Variants in MAST4 observed in about 807,000 individuals in gnomAD.
MAST4 encodes the protein microtubule-associated serine/threonine-protein kinase 4.
Under a neutral mutation model 162.7 loss-of-function variants are expected in MAST4, and 89 were observed. The ratio of observed to expected loss-of-function variants is 0.55; its 90% CI spans 0.46 to 0.65. The LOEUF (loss-of-function observed/expected upper bound fraction) is 0.65. MAST4 is among the 30% of genes least tolerant of loss of function. The pLI is 0.00. For synonymous variants in MAST4, 1,479 were observed against 1,361.1 expected, an observed-to-expected ratio of 1.09 and a Z score of -1.91; for missense variants, 3,153 against 3,374.0, an observed-to-expected ratio of 0.93 and a Z score of 1.62.
In MAST4 at chr5:66,838,724, G is replaced by A. The variant is rs373847146; in HGVS notation, c.642+49930G>A. Among the ~76,000 whole-genome samples the A allele has an allele frequency of 3.9e-5, 6 of 152,302 alleles. No individual in the cohort carries two copies. The East Asian group carries it at 7.7e-4, about 20-fold the overall frequency. ...AACAGGTACTGATTAGGCAAGATGA[G>A]GATTCTAGGCGGAGGAAGCAACAGT... On this transcript the variant is annotated intron_variant, in intron 3 of 28. Transcript: ENST00000403625.
chr5:67,004,417 G>A (rs1448972164), intron 4 of MAST4, among the ~76,000 whole-genome samples: 5 of 152,208 alleles, frequency 3.3e-5, no homozygotes, highest in African/African-American at 1.2e-4. Flanking sequence ...GTGCTTTTAA[G>A]TTTCCGCTTT....
chr5:66,954,146 C>T (rs899726561), intron 4 of MAST4, among the ~76,000 whole-genome samples: 5 of 152,162 alleles, frequency 3.3e-5, no homozygotes, highest in Non-Finnish European at 5.9e-5. Flanking sequence ...CCCCCCACAA[C>T]CCACCCACCT....
intron 1 of MAST4, among the ~76,000 whole-genome samples, chr5:66,713,036 A>G (rs571668559): frequency 5.3e-5 from 8 of 152,312 alleles, no homozygotes; most frequent in East Asian, 1.9e-4. Context: ...ATCTCTCCAC[A>G]TATTCCCCCA....
At chr5:66,845,085 T>TTATATATATA (rs752796951) in intron 3 of MAST4, among the ~76,000 whole-genome samples, 77 of 57,928 alleles carry the variant, frequency 1.3e-3, no homozygotes, top group African/African-American at 4.6e-3. Context: ...TCACTAATCT[T>TTATATATATA]TATATATATA....
intron 1 of MAST4, among the ~76,000 whole-genome samples, chr5:66,633,559 T>C (rs1413930073): frequency 6.6e-6 from 1 of 152,204 alleles, no homozygotes; most frequent in Non-Finnish European, 1.5e-5. Context: ...TGTATGGCAA[T>C]ATCAGGGGTT....
Position 66,609,392 on chromosome 5 carries a change from C to CTTTTTT in MAST4, c.363+12386_363+12391dup, listed in dbSNP as rs373893029. On this transcript the variant is annotated intron_variant, in intron 1 of 28. Coordinates refer to ENST00000403625, the MANE Select transcript of MAST4 (RefSeq NM_001164664.2). ...AAACTTGTTTTGTACCAATGCACTA[C>CTTTTTT]TTTTTTTTTTTTTTTTTGAGACAGC... is the stretch of plus-strand genomic sequence containing the variant. 1.8e-3 allele frequency among the ~76,000 whole-genome samples: 227 copies of CTTTTTT among 128,596 alleles called. 1 individual carries two copies. Among genetic ancestry groups the CTTTTTT allele is most frequent in the African/African-American group, 5.5e-3 (182 of 33,166 alleles). The allele number at this position is 128,596 out of a possible 152,430, so 84.4% of individuals were successfully genotyped here.
intron 4 of MAST4, among the ~76,000 whole-genome samples, chr5:66,994,440 A>C (rs890970306): frequency 2.6e-5 from 4 of 152,116 alleles, no homozygotes; most frequent in Non-Finnish European, 5.9e-5. Flanking sequence ...TTCATTTCCT[A>C]AAAGCTACTT....
intron 4 of MAST4, among the ~76,000 whole-genome samples, chr5:66,964,459 G>A (rs1460511643): frequency 2.6e-5 from 4 of 151,682 alleles, no homozygotes; most frequent in Non-Finnish European, 5.9e-5. Flanking sequence ...GTATCTAATC[G>A]GAAGACACAC....
intron 4 of MAST4, among the ~76,000 whole-genome samples, chr5:67,020,263 A>G (rs1935218923): frequency 6.6e-6 from 1 of 152,230 alleles, no homozygotes; most frequent in African/African-American, 2.4e-5. Context: ...ATGGTGTACT[A>G]GCTGGTCATG....
At chr5:66,952,969 T>C (rs972655291) in intron 4 of MAST4, among the ~76,000 whole-genome samples, 3 of 152,212 alleles carry the variant, frequency 2.0e-5, no homozygotes, top group Non-Finnish European at 4.4e-5. Flanking sequence ...ACTCTATAGA[T>C]GTACCTTTCT....
At chr5:67,117,226 A>G (rs1338367572) in intron 12 of MAST4, among the ~76,000 whole-genome samples, 1 of 152,196 alleles carries the variant, frequency 6.6e-6, no homozygotes, top group Non-Finnish European at 1.5e-5. Context: ...CTCCAAGTCC[A>G]TAAATCTAAG....
chr5:67,149,379 C>T lies in MAST4; in HGVS notation c.3095-10C>T. The T allele has an allele frequency of 6.2e-7, 1 of 1,609,388 alleles. No homozygotes were observed. Among genetic ancestry groups the T allele is most frequent in the Non-Finnish European group, 8.5e-7 (1 of 1,177,824 alleles). ...TTCCTGAATGTGTTTATCCCTTCTT[C>T]TTTGTACAGTTGGCAGTTTTTCAGA... On this transcript the variant is annotated splice_polypyrimidine_tract_variant and intron_variant, in intron 23 of 28. Transcript: ENST00000403625.
At chr5:66,741,248 T>C (rs144036468) in intron 1 of MAST4, among the ~76,000 whole-genome samples, 242 of 152,302 alleles carry the variant, frequency 1.6e-3, no homozygotes, top group African/African-American at 5.6e-3. Flanking sequence ...AGACTAACCC[T>C]CATTCTTTGT....
At chr5:67,051,796 C>T (rs1681245948) in intron 4 of MAST4, among the ~76,000 whole-genome samples, 1 of 152,086 alleles carries the variant, frequency 6.6e-6, no homozygotes, top group South Asian at 2.1e-4. Flanking sequence ...GCGAAGACCC[C>T]ATTTCATAAG....
chr5:66,909,177 G>C (rs1329096454), intron 4 of MAST4, among the ~76,000 whole-genome samples: 1 of 152,106 alleles, frequency 6.6e-6, no homozygotes, highest in Non-Finnish European at 1.5e-5. Flanking sequence ...GTGTGAAAGG[G>C]GCAGTTGACC....
intron 1 of MAST4, among the ~76,000 whole-genome samples, chr5:66,699,282 T>C (rs1034997039): frequency 6.6e-6 from 1 of 152,206 alleles, no homozygotes; most frequent in African/African-American, 2.4e-5. Context: ...CTCAGTCAAA[T>C]GTTATCTTTC....
intron 5 of MAST4, among the ~76,000 whole-genome samples, chr5:67,080,448 T>C (rs1419345593): frequency 6.6e-6 from 1 of 152,136 alleles, no homozygotes; most frequent in African/African-American, 2.4e-5. Context: ...TCTCTGAAGG[T>C]TGACATTTGT....
chr5:66,955,670 C>G (rs1215549878), intron 4 of MAST4, among the ~76,000 whole-genome samples: 1 of 152,126 alleles, frequency 6.6e-6, no homozygotes, highest in African/African-American at 2.4e-5. Context: ...TGTATTACTT[C>G]ATATGTAAAT....
intron 3 of MAST4, among the ~76,000 whole-genome samples, chr5:66,860,912 G>A (rs1009280472): frequency 2.0e-5 from 3 of 152,176 alleles, no homozygotes; most frequent in African/African-American, 7.2e-5. Flanking sequence ...GTGCATGGCG[G>A]AAGCACTTTC....
Sources: gnomAD v4.1 joint callset for allele counts (sites outside exome capture counted in the v4.1 genomes callset) on GRCh38, gnomAD v4.1.1 for gene constraint, MANE v1.5 for transcripts, NCBI Gene and HGNC (gene_info 2026-07-23, HGNC 2026-07-21) for gene names.